KIAA1614: variants seen among roughly 807,000 people sequenced by gnomAD.
KIAA1614 encodes KIAA1614, also known as uncharacterized protein KIAA1614.
In KIAA1614, 76 loss-of-function variants were observed where a neutral mutation model predicts 88.7. That is an observed-to-expected ratio of 0.86 (90% CI 0.71 to 1.04). The LOEUF (loss-of-function observed/expected upper bound fraction) is 1.04. Ranked by LOEUF, KIAA1614 falls within the 50% of genes least tolerant of loss-of-function variation. The pLI is 0.00. For synonymous variants in KIAA1614, 714 were observed against 675.5 expected, an observed-to-expected ratio of 1.06 and a Z score of -0.88; for missense variants, 1,553 against 1,582.5, an observed-to-expected ratio of 0.98 and a Z score of 0.32.
chr1:180,919,349 C>G (rs1044519167), intron 3 of KIAA1614, among the ~76,000 whole-genome samples: 1 of 152,174 alleles, frequency 6.6e-6, no homozygotes. Context: ...CCTCCCTGGC[C>G]GCTGTTTCCA....
chr1:180,924,886 A>AAATAATTAATAATAATAAT (rs1553258600), intron 3 of KIAA1614, among the ~76,000 whole-genome samples: 2 of 142,640 alleles, frequency 1.4e-5, no homozygotes, highest in African/African-American at 2.5e-5. Flanking sequence ...GCTAATGATA[A>AAATAATTAATAATAATAAT]AATAATAATA....
rs572574048 is a variant in KIAA1614, at chr1:180,944,183, A to C, written c.3160-206A>C. The C allele has an allele frequency of 2.0e-3, 802 of 401,658 alleles. 7 individuals are homozygous for C. Among genetic ancestry groups the C allele is most frequent in the Middle Eastern group, 4.7e-3 (7 of 1,476 alleles). 24.9% of individuals were successfully genotyped at this position (401,658 alleles called of 1,614,324 possible). A position where few individuals can be genotyped will look rare whatever the true frequency, so the allele number is the denominator to read the frequency against. ...ATTTCAGCTAAAAAGCAAAACAAAA[A>C]CTCCCTTGACTCCTCAGATGGCCTA... On this transcript the variant is annotated intron_variant, in intron 7 of 8. Transcript: ENST00000367588.
chr1:180,923,241 C>T (rs1330559102), intron 3 of KIAA1614, among the ~76,000 whole-genome samples: 1 of 152,162 alleles, frequency 6.6e-6, no homozygotes, highest in Non-Finnish European at 1.5e-5. Flanking sequence ...AACTTCAGCC[C>T]CTCTCCCCTG....
In KIAA1614 at chr1:180,935,502, C is replaced by T. The variant is rs781106581; in HGVS notation, c.1593C>T (p.Gly531=). ...RRGHPAPPAP[G]SERRCQACGS... ...GACACCCGGCACCGCCGGCACCGGG[C>T]AGCGAGAGGAGGTGCCAGGCCTGCG... The change falls in exon 5 of 9, where the codon GGC becomes GGT. Residue 531 remains glycine, a synonymous_variant. Coordinates refer to ENST00000367588, the MANE Select transcript of KIAA1614 (RefSeq NM_020950.2). This position sits in a 1 kb window ranked among gnomAD's most constrained non-coding sequence, Gnocchi z 6.1. 4 of 1,512,264 alleles carry T rather than the reference C, an allele frequency of 2.6e-6. No individual in the cohort carries two copies. In the Admixed American group the frequency reaches 8.4e-5, roughly 32 times the overall value. The allele number at this position is 1,512,264 out of a possible 1,614,324, so 93.7% of individuals were successfully genotyped here.
At position 180,928,545 on chromosome 1, in the gene KIAA1614, A is replaced by T. The variant is rs372661269; in HGVS notation, c.1177A>T (p.Ile393Phe). The T allele has an allele frequency of 9.9e-6, 16 of 1,612,808 alleles. No homozygotes were observed. Among genetic ancestry groups the T allele is most frequent in the Non-Finnish European group, 1.2e-5 (14 of 1,179,850 alleles). The change falls in exon 4 of 9, where the codon ATC (isoleucine) becomes TTC (phenylalanine). Residue 393 changes from isoleucine (I) to phenylalanine (F), a missense_variant. Ile to Phe is a conservative substitution (Grantham distance 21). Transcript: ENST00000367588. ...RTRPLRASHDIVPTITQGSRD... is the reference protein window; with the variant it reads ...RTRPLRASHDFVPTITQGSRD... ...CCGGCCCCTCCGTGCCAGCCATGAC[A>T]TCGTGCCCACCATTACCCAGGGCAG...
At chr1:180,938,471 C>G in intron 5 of KIAA1614, 84 bp from the exon 6 acceptor site, 13 of 1,459,158 alleles carry the variant, frequency 8.9e-6, no homozygotes, top group African/African-American at 1.4e-5. Flanking sequence ...TCACCCTCCC[C>G]CTGTTGCTGG....
In KIAA1614 at chr1:180,935,344, G is replaced by C. The variant is rs777812810; in HGVS notation, c.1435G>C (p.Val479Leu). Residue 479 changes from valine to leucine, a missense_variant, in exon 5 of 9, where the codon GTG becomes CTG. Transcript: ENST00000367588. This position sits in a 1 kb window ranked among gnomAD's most constrained non-coding sequence, Gnocchi z 6.1. ...QQRQRQVLSTVLQAADQGPLR... is the reference protein window; with the variant it reads ...QQRQRQVLSTLLQAADQGPLR... ...GCGCCAGCGCCAGGTGCTGAGCACCGTGTTGCAGGCCGCGGACCAGGGCCC... is the reference window on the plus strand; with the variant it reads ...GCGCCAGCGCCAGGTGCTGAGCACCCTGTTGCAGGCCGCGGACCAGGGCCC... 2 of 1,476,502 alleles carry C rather than the reference G, an allele frequency of 1.4e-6. No homozygotes were observed. The highest frequency in any genetic ancestry group is 2.8e-5 in the South Asian group (2 of 70,648). The allele number at this position is 1,476,502 out of a possible 1,614,324, so 91.5% of individuals were successfully genotyped here.
chr1:180,936,048 G>GT lies in KIAA1614; in HGVS notation c.2141dup (p.Leu714PhefsTer43). 1 of 1,614,178 alleles carries GT rather than the reference G, an allele frequency of 6.2e-7. No individual in the cohort carries two copies. Among genetic ancestry groups the GT allele is most frequent in the Non-Finnish European group, 8.5e-7 (1 of 1,180,010 alleles). ...AAGATGCCAAGCCTCCTGACCTGGA[G>GT]TTGAAGCGGGTGTCCCTGGGACCCC... On this transcript the variant is annotated frameshift_variant, in exon 5 of 9. Coordinates refer to ENST00000367588, the MANE Select transcript of KIAA1614 (RefSeq NM_020950.2). LOFTEE classifies it high-confidence loss of function.
intron 7 of KIAA1614, among the ~76,000 whole-genome samples, chr1:180,942,509 C>T (rs1367317604): frequency 6.6e-6 from 1 of 152,222 alleles, no homozygotes; most frequent in Admixed American, 6.5e-5. Flanking sequence ...GTCCCATTGA[C>T]TGTCTTCCAC....
rs1472782088 is a variant in KIAA1614 at position 180,935,923 on chromosome 1, C to T, written c.2014C>T (p.Gln672Ter). 3 of 1,614,010 alleles carry T rather than the reference C, an allele frequency of 1.9e-6. No homozygotes were observed. Among genetic ancestry groups the T allele is most frequent in the East Asian group, 2.2e-5 (1 of 44,884 alleles). The change falls in exon 5 of 9, where the codon CAG becomes TAG. Residue 672 changes from glutamine to a stop codon, truncating the protein, a stop_gained. Transcript: ENST00000367588. LOFTEE classifies it high-confidence loss of function. The surrounding 1 kb of genome is among the most constrained non-coding windows in gnomAD (Gnocchi z 6.1). The part of the protein sequence containing the change: ...KAEAELPWGL[Q>*]AQQHLPRADD... The stretch of plus-strand genomic sequence containing the variant: ...TGAGGCGGAGCTCCCTTGGGGCCTT[C>T]AGGCCCAGCAACACCTGCCTAGGGC...
chr1:180,943,548 A>ATTTTTTTTTTTTTTTTTTTTTTTTTTT lies in KIAA1614; in HGVS notation c.3160-840_3160-839insTTTTTTTTTTTTTTTTTTTTTTTTTTT, dbSNP rs201999726. 1.8e-3 allele frequency among the ~76,000 whole-genome samples: 133 copies of ATTTTTTTTTTTTTTTTTTTTTTTTTTT among 74,796 alleles called. 29 individuals are homozygous for ATTTTTTTTTTTTTTTTTTTTTTTTTTT. Among genetic ancestry groups the ATTTTTTTTTTTTTTTTTTTTTTTTTTT allele is most frequent in the African/African-American group, 3.7e-3 (65 of 17,702 alleles). 49.1% of individuals were successfully genotyped at this position (74,796 alleles called of 152,430 possible). Reference sequence around the variant, plus strand: ...GGATTGTAGGATTGAATGGTAGTAGATCTTTTTTTTTTTTTTTTGAGACAG... The same window carrying ATTTTTTTTTTTTTTTTTTTTTTTTTTT: ...GGATTGTAGGATTGAATGGTAGTAGATTTTTTTTTTTTTTTTTTTTTTTTTTTTCTTTTTTTTTTTTTTTTGAGACAG... On this transcript the variant is annotated intron_variant, in intron 7 of 8. Coordinates refer to ENST00000367588, the MANE Select transcript of KIAA1614 (RefSeq NM_020950.2).
chr1:180,923,789 C>A (rs1654006211), intron 3 of KIAA1614, among the ~76,000 whole-genome samples: 1 of 152,028 alleles, frequency 6.6e-6, no homozygotes, highest in Non-Finnish European at 1.5e-5. Flanking sequence ...ATCCCAGCAC[C>A]ACCCCAGCAT....
intron 6 of KIAA1614, among the ~76,000 whole-genome samples, chr1:180,938,918 G>A (rs1426082291): frequency 3.9e-5 from 6 of 152,204 alleles, no homozygotes; most frequent in African/African-American, 1.4e-4. Context: ...CATTCATGGA[G>A]CATCCATTGA....
chr1:180,920,906 G>A (rs940402852), intron 3 of KIAA1614, among the ~76,000 whole-genome samples: 1 of 152,246 alleles, frequency 6.6e-6, no homozygotes, highest in African/African-American at 2.4e-5. Context: ...GAGCCTCCTA[G>A]TGGTAGGCAA....
At position 180,935,325 on chromosome 1, in the gene KIAA1614, G is replaced by T. The variant is rs374667312; in HGVS notation, c.1416G>T (p.Gln472His). Residue 472 changes from glutamine (Q) to histidine (H), a missense_variant, in exon 5 of 9, where the codon CAG becomes CAT. Physicochemically the swap from Gln to His is conservative, Grantham distance 24 (BLOSUM62 0). Coordinates refer to ENST00000367588, the MANE Select transcript of KIAA1614 (RefSeq NM_020950.2). The surrounding 1 kb of genome is among the most constrained non-coding windows in gnomAD (Gnocchi z 6.1). Reference sequence around the variant, plus strand: ...ACCTGGAGCGGCTGCAGCAGCGCCAGCGCCAGGTGCTGAGCACCGTGTTGC... The same window carrying T: ...ACCTGGAGCGGCTGCAGCAGCGCCATCGCCAGGTGCTGAGCACCGTGTTGC... The part of the protein sequence containing the change: ...FRHLERLQQR[Q>H]RQVLSTVLQA... The T allele has an allele frequency of 6.8e-6, 10 of 1,478,212 alleles. No homozygotes were observed. In the African/African-American group the frequency reaches 1.2e-4, roughly 17 times the overall value. 91.6% of individuals were successfully genotyped at this position (1,478,212 alleles called of 1,614,324 possible).
Position 180,948,128 on chromosome 1 carries a change from G to T in KIAA1614, c.*2540G>T, listed in dbSNP as rs373935232. Reference sequence around the variant, plus strand: ...CCCCGTTGTGCCCAGGCACTCCCTGGTCCTGCTGCCATCATGGGCGCTGGA... The same window carrying T: ...CCCCGTTGTGCCCAGGCACTCCCTGTTCCTGCTGCCATCATGGGCGCTGGA... On this transcript the variant is annotated 3_prime_UTR_variant, in exon 9 of 9. Transcript: ENST00000367588. 11 of 152,362 alleles carry T rather than the reference G, an allele frequency of 7.2e-5. No homozygotes were observed. The highest frequency in any genetic ancestry group is 2.6e-4 in the Admixed American group (4 of 15,304). The allele number at this position is 152,362 out of a possible 1,614,324, so 9.4% of individuals were successfully genotyped here.
At chr1:180,921,864 G>C (rs937441317) in intron 3 of KIAA1614, among the ~76,000 whole-genome samples, 4 of 152,196 alleles carry the variant, frequency 2.6e-5, no homozygotes, top group African/African-American at 9.7e-5. Context: ...AGGGGGCCGC[G>C]CTCAGGCTCT....
chr1:180,943,834 C>T (rs185934976), intron 7 of KIAA1614, among the ~76,000 whole-genome samples: 148 of 152,244 alleles, frequency 9.7e-4, no homozygotes, highest in African/African-American at 3.4e-3. Context: ...AGGCATGAGC[C>T]ACTGCACCCG....
intron 6 of KIAA1614, among the ~76,000 whole-genome samples, chr1:180,940,273 G>C (rs1244191980): frequency 6.6e-6 from 1 of 152,228 alleles, no homozygotes; most frequent in Non-Finnish European, 1.5e-5. Flanking sequence ...GGATGAGGCA[G>C]GTGGATCACT....
Sources: gnomAD v4.1 joint callset for allele counts (sites outside exome capture counted in the v4.1 genomes callset) on GRCh38, gnomAD v4.1.1 for gene constraint, Gnocchi (gnomAD v3.1) non-coding constraint, MANE v1.5 for transcripts, NCBI Gene and HGNC (gene_info 2026-07-23, HGNC 2026-07-21) for gene names.